RNF170: variants seen among roughly 807,000 people sequenced by gnomAD.
RNF170 encodes the protein ring finger protein 170.
Under a neutral mutation model 32.7 loss-of-function variants are expected in RNF170, and 12 were observed. The ratio of observed to expected loss-of-function variants is 0.37; its 90% CI spans 0.24 to 0.60. The LOEUF is 0.60. Ranked by LOEUF, RNF170 falls within the 20% of genes least tolerant of loss-of-function variation. The probability of loss-of-function intolerance (pLI) is 0.72; values close to 1 mark genes in which losing one functional copy is unlikely to be tolerated. For synonymous variants in RNF170, 91 were observed against 103.6 expected (o/e 0.88, Z 0.74); for missense variants, 212 against 311.2 (o/e 0.68, Z 2.40).
intron 3 of RNF170, among the ~76,000 whole-genome samples, chr8:42,872,566 C>T (rs1375583860): frequency 2.0e-5 from 3 of 152,118 alleles, no homozygotes; most frequent in Admixed American, 2.0e-4. Flanking sequence ...CCTCAGCCTC[C>T]CAAGTAGCTG....
chr8:42,891,085 G>A (rs967075680), intron 1 of RNF170, among the ~76,000 whole-genome samples: 24 of 152,178 alleles, frequency 1.6e-4, no homozygotes, highest in African/African-American at 5.8e-4. Flanking sequence ...GAACTAAACA[G>A]TGCTGCTGAT....
chr8:42,850,760 CT>C, downstream of RNF170: 2 of 1,551,532 alleles, frequency 1.3e-6, no homozygotes, highest in Non-Finnish European at 1.7e-6. Context: ...GCACTGCCTA[CT>C]TTTGGGTAGT....
intron 1 of RNF170, among the ~76,000 whole-genome samples, chr8:42,893,423 A>G (rs1806479549): frequency 6.6e-6 from 1 of 152,246 alleles, no homozygotes; most frequent in Non-Finnish European, 1.5e-5. Flanking sequence ...CTTATTGAGC[A>G]GTATCTTCAG....
At chr8:42,850,952 CTT>C (rs1195082239), downstream of RNF170, 2 of 1,551,664 alleles carry the variant, frequency 1.3e-6, no homozygotes, top group Non-Finnish European at 1.7e-6. Context: ...GCAACAGCCT[CTT>C]GATGGGTCTG....
At chr8:42,897,124 C>T (rs1255187761), upstream of RNF170, 3 of 1,244,834 alleles carry the variant, frequency 2.4e-6, no homozygotes, top group African/African-American at 1.6e-5. Flanking sequence ...CTGGCCGCGG[C>T]GGGGAAGATG....
intron 1 of RNF170, chr8:42,896,271 G>T (rs1806847995): frequency 2.9e-6 from 1 of 343,908 alleles, no homozygotes; most frequent in Non-Finnish European, 5.6e-6. Flanking sequence ...CGCTCTCCGC[G>T]TCGGCCCCTC....
chr8:42,861,757 C>T lies in RNF170; in HGVS notation c.495G>A (p.Gly165=), dbSNP rs753674096. The T allele has an allele frequency of 6.2e-7, 1 of 1,611,160 alleles. No homozygotes were observed. The change falls in exon 6 of 7, where the codon GGG becomes GGA. Residue 165 remains glycine, a synonymous_variant. Coordinates refer to ENST00000527424, the MANE Select transcript of RNF170 (RefSeq NM_030954.4). ...DINDYNRRFS[G]QPRSIMERIM... ...TAGCATTACTTACAGATCTGGGTTG[C>T]CCTGAGAATCTCCGGTTATAATCAT...
chr8:42,884,311 T>C (rs1409485489), intron 2 of RNF170, among the ~76,000 whole-genome samples: 1 of 152,066 alleles, frequency 6.6e-6, no homozygotes, highest in East Asian at 1.9e-4. Flanking sequence ...CTCGAACTCC[T>C]GACCTCCAGC....
intron 1 of RNF170, among the ~76,000 whole-genome samples, chr8:42,892,634 G>A (rs1394853456): frequency 6.6e-6 from 1 of 150,634 alleles, no homozygotes; most frequent in Non-Finnish European, 1.5e-5. Context: ...ATATCTTACT[G>A]GATTTATTTT....
chr8:42,869,829 A>G (rs534801614), intron 4 of RNF170, among the ~76,000 whole-genome samples, 175 bp downstream of exon 4: 1 of 152,336 alleles, frequency 6.6e-6, no homozygotes, highest in East Asian at 1.9e-4. Flanking sequence ...AAGTAAGTAT[A>G]TTATTTAGAT....
chr8:42,850,705 G>C, downstream of RNF170: 1 of 1,504,262 alleles, frequency 6.6e-7, no homozygotes, highest in Non-Finnish European at 9.0e-7. Flanking sequence ...GAGTGCCCTG[G>C]GGTAAGGGGA....
chr8:42,867,634 G>C (rs1279159191), intron 4 of RNF170, among the ~76,000 whole-genome samples: 1 of 151,188 alleles, frequency 6.6e-6, no homozygotes, highest in East Asian at 1.9e-4. Flanking sequence ...AAATTAGCCA[G>C]GTGTGGTGGC....
At chr8:42,866,409 T>G (rs1354850911) in intron 4 of RNF170, among the ~76,000 whole-genome samples, 1 of 151,300 alleles carries the variant, frequency 6.6e-6, no homozygotes, top group Non-Finnish European at 1.5e-5. Context: ...GGGGTGGTGG[T>G]GGGTGCTACT....
intron 5 of RNF170, among the ~76,000 whole-genome samples, chr8:42,862,530 A>G (rs934584625): frequency 7.2e-5 from 11 of 152,220 alleles, no homozygotes; most frequent in African/African-American, 2.7e-4. Flanking sequence ...GCACCCTTAT[A>G]GAAAATGGTC....
At chr8:42,897,277 C>A, upstream of RNF170, 1 of 850,392 alleles carries the variant, frequency 1.2e-6, no homozygotes, top group Non-Finnish European at 1.5e-6. Flanking sequence ...GCGAGCGCTG[C>A]GGGCGACGGT....
chr8:42,870,823 C>A (rs1173340564), intron 3 of RNF170, among the ~76,000 whole-genome samples: 1 of 152,228 alleles, frequency 6.6e-6, no homozygotes, highest in East Asian at 1.9e-4. Flanking sequence ...TGCACATATG[C>A]AAGAAACATC....
At chr8:42,878,269 G>T (rs909908329) in intron 2 of RNF170, among the ~76,000 whole-genome samples, 4 of 152,210 alleles carry the variant, frequency 2.6e-5, no homozygotes, top group Admixed American at 2.6e-4. Flanking sequence ...ACCTAGAAAT[G>T]ATTAAGCTTT....
rs1216670697 is a variant in RNF170, at chr8:42,854,857, T to C, written c.*1302A>G. ...CCATGTGGTACTGAGTCTTCTCAGA[T>C]ACATTCACTTGTTTGGCTCAAGACA... On this transcript the variant is annotated 3_prime_UTR_variant, in exon 7 of 7. Coordinates refer to ENST00000527424, the MANE Select transcript of RNF170 (RefSeq NM_030954.4). 4 of 1,287,170 alleles carry C rather than the reference T, an allele frequency of 3.1e-6. No homozygotes were observed. The highest frequency in any genetic ancestry group is 1.5e-5 in the African/African-American group (1 of 65,816). The allele number at this position is 1,287,170 out of a possible 1,614,324, so 79.7% of individuals were successfully genotyped here.
At chr8:42,887,682 A>T in intron 2 of RNF170, 46 bp downstream of exon 2, 1 of 1,593,406 alleles carries the variant, frequency 6.3e-7, no homozygotes, top group East Asian at 2.2e-5. Flanking sequence ...TCAAAAAGTC[A>T]GCAGCCCTTG....
Sources: allele counts gnomAD v4.1 joint callset (sites outside exome capture counted in the v4.1 genomes callset), GRCh38; gene constraint gnomAD v4.1.1; transcripts MANE v1.5; gene names NCBI Gene and HGNC (gene_info 2026-07-23, HGNC 2026-07-21).